Variants in DMD observed in about 807,000 individuals in gnomAD.
DMD encodes the protein mutant dystrophin.
Under a neutral mutation model 330.1 loss-of-function variants are expected in DMD, and 63 were observed. That is an observed-to-expected ratio of 0.19 (90% CI 0.16 to 0.24). The LOEUF (loss-of-function observed/expected upper bound fraction) is 0.24, where lower values mean the gene tolerates loss of function less well. Ranked by LOEUF, DMD falls within the 10% of genes least tolerant of loss-of-function variation. The pLI is 1.00. For synonymous variants in DMD, 1,223 were observed against 959.8 expected (o/e 1.27, Z -5.07); for missense variants, 3,344 against 2,684.1 (o/e 1.25, Z -5.43).
chrX:32,232,510 G>A (rs1240657240), intron 43 of DMD, among the ~76,000 whole-genome samples: 3 of 111,279 alleles, frequency 2.7e-5, no homozygotes, highest in African/African-American at 9.8e-5. Flanking sequence ...CAACTTCACT[G>A]CAAATTTACT....
intron 6 of DMD, among the ~76,000 whole-genome samples, chrX:32,814,050 G>A (rs772125512): frequency 9.0e-6 from 1 of 111,374 alleles, no homozygotes; most frequent in East Asian, 2.8e-4. Context: ...GTAGCTGACA[G>A]TGACTGCATC....
At chrX:32,004,873 C>G (rs767593155) in intron 44 of DMD, among the ~76,000 whole-genome samples, 1 of 111,565 alleles carries the variant, frequency 9.0e-6, no homozygotes, top group Admixed American at 9.5e-5. Flanking sequence ...TTGCTCATTT[C>G]CATAATATCC....
chrX:32,623,932 T>C (rs1479104376), intron 11 of DMD, among the ~76,000 whole-genome samples: 2 of 112,125 alleles, frequency 1.8e-5, no homozygotes, highest in Non-Finnish European at 3.8e-5. Context: ...GACTGTGCAC[T>C]ATTTTATTTT....
chrX:32,523,026 T>A (rs2046591776), intron 17 of DMD, among the ~76,000 whole-genome samples: 1 of 111,892 alleles, frequency 8.9e-6, no homozygotes, highest in South Asian at 3.7e-4. Flanking sequence ...TAGAGGTCCC[T>A]GAAACTCAAA....
intron 16 of DMD, among the ~76,000 whole-genome samples, chrX:32,556,872 C>G (rs967963224): frequency 9.0e-6 from 1 of 111,620 alleles, no homozygotes; most frequent in Non-Finnish European, 1.9e-5. Context: ...TATTTAGATA[C>G]TTACTAGAAA....
At chrX:32,840,253 A>T (rs1194464361) in intron 4 of DMD, among the ~76,000 whole-genome samples, 1 of 112,034 alleles carries the variant, frequency 8.9e-6, no homozygotes, top group Admixed American at 9.5e-5. Flanking sequence ...CTACTAAAAC[A>T]TTAGGAGGTT....
rs1298295196 is a variant in DMD at position 32,360,364 on chromosome X, AAT to A, written c.5325+2422_5325+2423del. ...TCTGTGTTTTTCATTTCATCGTGAT[AAT>A]AGAGCATAATTATCTCTTCAGAGCC... is the stretch of plus-strand genomic sequence containing the variant. On this transcript the variant is annotated intron_variant, in intron 37 of 78. Transcript: ENST00000357033. Among the ~76,000 whole-genome samples the A allele has an allele frequency of 2.7e-5, 3 of 112,147 alleles. No homozygotes were observed. The Admixed American group carries it at 2.9e-4, about 11-fold the overall frequency.
chrX:32,168,566 A>C (rs1271818495), intron 44 of DMD, among the ~76,000 whole-genome samples: 8 of 109,976 alleles, frequency 7.3e-5, no homozygotes, highest in Non-Finnish European at 9.5e-5. Context: ...AAAACCAACA[A>C]AAAAACTAAA....
chrX:32,062,496 T>C (rs2147690767), intron 44 of DMD, among the ~76,000 whole-genome samples: 1 of 111,014 alleles, frequency 9.0e-6, no homozygotes, highest in Admixed American at 9.6e-5. Context: ...TGAATACAGA[T>C]AAATGTCTTG....
rs1484173184 is a variant in DMD, at chrX:32,715,062, ATTTGCTACTTTATAGAC to A, written c.650-15786_650-15770del. The stretch of plus-strand genomic sequence containing the variant: ...ATCTTTCAACTTGTTTATCCCACAT[ATTTGCTACTTTATAGAC>A]TTTGACCTACATCTCCCCATTTCCT... On this transcript the variant is annotated intron_variant, in intron 7 of 78. Coordinates refer to ENST00000357033, the MANE Select transcript of DMD (RefSeq NM_004006.3). Among the ~76,000 whole-genome samples the A allele has an allele frequency of 1.1e-4, 12 of 111,291 alleles. No individual in the cohort carries two copies. The Admixed American group carries it at 1.2e-3, about 11-fold the overall frequency.
chrX:33,186,981 G>A (rs78879241), intron 1 of DMD, among the ~76,000 whole-genome samples: 2 of 112,005 alleles, frequency 1.8e-5, no homozygotes, highest in African/African-American at 3.2e-5. Flanking sequence ...CTATGTGAGC[G>A]TTGTAAATTG....
chrX:31,951,797 T>C (rs1569521468), intron 45 of DMD, among the ~76,000 whole-genome samples: 1 of 111,831 alleles, frequency 8.9e-6, no homozygotes. Flanking sequence ...TTATCAGTTC[T>C]GTGATTCTTT....
intron 1 of DMD, among the ~76,000 whole-genome samples, chrX:33,305,731 CTA>C (rs768755793): frequency 9.4e-4 from 104 of 110,938 alleles, no homozygotes; most frequent in Non-Finnish European, 1.7e-3. Flanking sequence ...TCATTTCATT[CTA>C]TGTTATAAAA....
At chrX:32,917,404 T>G (rs976972974) in intron 2 of DMD, among the ~76,000 whole-genome samples, 1 of 112,014 alleles carries the variant, frequency 8.9e-6, no homozygotes, top group Non-Finnish European at 1.9e-5. Context: ...AGCTACAAAC[T>G]ATTTTTGTTT....
intron 43 of DMD, among the ~76,000 whole-genome samples, chrX:32,258,722 T>C (rs2097309513): frequency 9.0e-6 from 1 of 110,526 alleles, no homozygotes; most frequent in African/African-American, 3.3e-5. Flanking sequence ...AGATGATGGG[T>C]TGATGTGTGC....
chrX:31,404,873 G>T lies in DMD; in HGVS notation c.9084+39608C>A, dbSNP rs2061342376. On this transcript the variant is annotated intron_variant, in intron 60 of 78. Transcript: ENST00000357033. ...CTTTCAAATTGCCATTTATGCAATTGATGCATGGAATAGGTATTTGTCAGT... is the reference window on the plus strand; with the variant it reads ...CTTTCAAATTGCCATTTATGCAATTTATGCATGGAATAGGTATTTGTCAGT... Among the ~76,000 whole-genome samples, 5 of 112,347 alleles carry T rather than the reference G, an allele frequency of 4.5e-5. No individual in the cohort carries two copies. The South Asian group carries it at 1.8e-3, about 41-fold the overall frequency.
intron 41 of DMD, among the ~76,000 whole-genome samples, chrX:32,326,832 G>A (rs1199132535): frequency 2.7e-5 from 3 of 109,256 alleles, no homozygotes; most frequent in Non-Finnish European, 5.7e-5. Flanking sequence ...ACTTGAACCT[G>A]GGAGACAGAG....
At chrX:31,943,927 G>A (rs911566856) in intron 45 of DMD, among the ~76,000 whole-genome samples, 52 of 98,999 alleles carry the variant, frequency 5.3e-4, no homozygotes, top group African/African-American at 2.0e-3. Flanking sequence ...GAGAGAGAGA[G>A]AAAAGGGAAC....
At chrX:32,338,453 C>A (rs1470691750) in intron 41 of DMD, among the ~76,000 whole-genome samples, 1 of 110,743 alleles carries the variant, frequency 9.0e-6, no homozygotes, top group Non-Finnish European at 1.9e-5. Flanking sequence ...CATTTCCAGA[C>A]TTTGTTTTTT....
Sources: gnomAD v4.1 joint callset for allele counts (sites outside exome capture counted in the v4.1 genomes callset) on GRCh38, gnomAD v4.1.1 for gene constraint, MANE v1.5 for transcripts, NCBI Gene and HGNC (gene_info 2026-07-23, HGNC 2026-07-21) for gene names.